PKP2: variants seen among roughly 807,000 people sequenced by gnomAD.
PKP2 encodes the protein plakophilin 2, also known as plakophilin-2.
Under a neutral mutation model 83.4 loss-of-function variants are expected in PKP2, and 73 were observed. That is an observed-to-expected ratio of 0.88 (90% confidence interval 0.72 to 1.06). PKP2 has a LOEUF of 1.06. Among genes scored for constraint, PKP2 ranks in the 50% least tolerant of loss-of-function variants. The pLI is 0.00. For synonymous variants in PKP2, 409 were observed against 430.4 expected, an observed-to-expected ratio of 0.95 and a Z score of 0.62; for missense variants, 966 against 1,065.4, an observed-to-expected ratio of 0.91 and a Z score of 1.30.
At chr12:32,876,514 C>A (rs1332900119) in intron 3 of PKP2, among the ~76,000 whole-genome samples, 1 of 152,094 alleles carries the variant, frequency 6.6e-6, no homozygotes, top group Non-Finnish European at 1.5e-5. Context: ...CCTCCATAAA[C>A]AATGACCTGA....
intron 6 of PKP2, among the ~76,000 whole-genome samples, chr12:32,827,847 C>T (rs1455547459): frequency 5.9e-5 from 9 of 152,100 alleles, no homozygotes; most frequent in Admixed American, 4.6e-4. Context: ...TTTGATTAAA[C>T]GATGGGTTTA....
At chr12:32,807,426 C>A (rs1054993994) in intron 9 of PKP2, among the ~76,000 whole-genome samples, 1 of 152,140 alleles carries the variant, frequency 6.6e-6, no homozygotes, top group Admixed American at 6.5e-5. Context: ...TGTGTCTTTG[C>A]ATGTGAGATG....
chr12:32,855,542 G>A (rs1283419909), intron 4 of PKP2, among the ~76,000 whole-genome samples: 1 of 152,146 alleles, frequency 6.6e-6, no homozygotes, highest in East Asian at 1.9e-4. Flanking sequence ...GGAAGGCCGA[G>A]GCAGGTCAGA....
intron 1 of PKP2, among the ~76,000 whole-genome samples, chr12:32,888,264 C>CT (rs1439865432): frequency 6.6e-6 from 1 of 152,130 alleles, no homozygotes; most frequent in Non-Finnish European, 1.5e-5. Flanking sequence ...TCTCATGAGA[C>CT]TTTAAGACTT....
chr12:32,798,299 G>A (rs1283365053), intron 10 of PKP2, among the ~76,000 whole-genome samples: 1 of 151,066 alleles, frequency 6.6e-6, no homozygotes, highest in East Asian at 2.0e-4. Context: ...TCTCCATGTT[G>A]AGGCTGGTCT....
At chr12:32,865,432 G>A (rs567683881) in intron 4 of PKP2, among the ~76,000 whole-genome samples, 1 of 150,060 alleles carries the variant, frequency 6.7e-6, no homozygotes, top group South Asian at 2.1e-4. Flanking sequence ...TGTAATCCCA[G>A]CACTTTGGGA....
intron 4 of PKP2, among the ~76,000 whole-genome samples, chr12:32,864,486 G>T (rs1318912732): frequency 1.3e-5 from 2 of 151,768 alleles, no homozygotes; most frequent in East Asian, 3.9e-4. Flanking sequence ...AGACATGAAA[G>T]ACCTCTACAG....
In PKP2 at chr12:32,896,714, G is replaced by C; in HGVS notation, c.18C>G (p.Ala6=). MAAPG[A]PAEYGYIRTV... ...TCCGGATGTAGCCGTACTCAGCTGGGGCGCCGGGGGCTGCCATGGGGCCGG... is the reference window on the plus strand; with the variant it reads ...TCCGGATGTAGCCGTACTCAGCTGGCGCGCCGGGGGCTGCCATGGGGCCGG... The change falls in exon 1 of 13, where the codon GCC becomes GCG. Residue 6 remains alanine (A), a synonymous_variant. Coordinates refer to ENST00000340811, the MANE Select transcript of PKP2 (RefSeq NM_001005242.3). 6.8e-7 allele frequency: 1 copy of C among 1,475,700 alleles called. No individual in the cohort carries two copies. Among genetic ancestry groups the C allele is most frequent in the South Asian group, 1.3e-5 (1 of 77,384 alleles). The allele number at this position is 1,475,700 out of a possible 1,614,324, so 91.4% of individuals were successfully genotyped here.
chr12:32,869,359 C>T (rs1046966959), intron 3 of PKP2, among the ~76,000 whole-genome samples: 3 of 151,680 alleles, frequency 2.0e-5, no homozygotes, highest in Non-Finnish European at 4.4e-5. Context: ...CTGAGGTGGG[C>T]GGATCACTTG....
intron 6 of PKP2, among the ~76,000 whole-genome samples, chr12:32,838,513 T>C (rs1427331633): frequency 6.6e-6 from 1 of 152,070 alleles, no homozygotes; most frequent in Non-Finnish European, 1.5e-5. Flanking sequence ...CTTAATGTGA[T>C]CCTCAAGATC....
At chr12:32,842,905 C>A (rs1216842037) in intron 5 of PKP2, among the ~76,000 whole-genome samples, 2 of 151,954 alleles carry the variant, frequency 1.3e-5, no homozygotes, top group Non-Finnish European at 2.9e-5. Context: ...GAACCCTTGA[C>A]CTGGTGATCC....
At chr12:32,847,877 G>A (rs1285603246) in intron 5 of PKP2, among the ~76,000 whole-genome samples, 1 of 151,868 alleles carries the variant, frequency 6.6e-6, no homozygotes, top group Non-Finnish European at 1.5e-5. Context: ...GAGGCAGGAG[G>A]ATCTCATGAG....
chr12:32,865,376 G>GAAAAAAA (rs554773045), intron 4 of PKP2, among the ~76,000 whole-genome samples: 1 of 85,342 alleles, frequency 1.2e-5, no homozygotes, highest in African/African-American at 4.3e-5. Context: ...CTCCATCTCA[G>GAAAAAAA]AAAAAAAAAA....
At chr12:32,872,987 G>A (rs1164692325) in intron 3 of PKP2, among the ~76,000 whole-genome samples, 1 of 152,130 alleles carries the variant, frequency 6.6e-6, no homozygotes. Context: ...AATATGATCT[G>A]TTTTCTGCTC....
At chr12:32,849,815 A>G (rs1201131640) in intron 5 of PKP2, among the ~76,000 whole-genome samples, 1 of 152,172 alleles carries the variant, frequency 6.6e-6, no homozygotes, top group African/African-American at 2.4e-5. Flanking sequence ...AAACATATCC[A>G]GTTACTCTTT....
At chr12:32,849,564 C>G (rs1178550567) in intron 5 of PKP2, among the ~76,000 whole-genome samples, 1 of 152,222 alleles carries the variant, frequency 6.6e-6, no homozygotes, top group Non-Finnish European at 1.5e-5. Flanking sequence ...AAGCGGAGAG[C>G]TGATGGTGAT....
intron 9 of PKP2, among the ~76,000 whole-genome samples, chr12:32,817,269 A>G (rs1319418915): frequency 1.3e-5 from 2 of 152,378 alleles, no homozygotes; most frequent in Non-Finnish European, 2.9e-5. Flanking sequence ...CACTATGTAT[A>G]AAAATTAATT....
At chr12:32,836,529 T>C (rs941488779) in intron 6 of PKP2, among the ~76,000 whole-genome samples, 34 of 152,210 alleles carry the variant, frequency 2.2e-4, no homozygotes, top group Non-Finnish European at 4.4e-5. Flanking sequence ...ATGATCTCAA[T>C]GTCAAGTCTA....
intron 1 of PKP2, among the ~76,000 whole-genome samples, chr12:32,891,282 C>T (rs991474003): frequency 2.6e-5 from 4 of 152,112 alleles, no homozygotes; most frequent in African/African-American, 9.7e-5. Context: ...AATAAATCAT[C>T]TTATAGGCCA....
Sources: allele counts gnomAD v4.1 joint callset (sites outside exome capture counted in the v4.1 genomes callset), GRCh38; gene constraint gnomAD v4.1.1; transcripts MANE v1.5; gene names NCBI Gene and HGNC (gene_info 2026-07-23, HGNC 2026-07-21).